LRRTM4: variants seen among roughly 807,000 people sequenced by gnomAD.
The protein encoded by LRRTM4 is leucine-rich repeat transmembrane neuronal protein 4.
LRRTM4 carries 25 observed loss-of-function variants against 47.6 expected under a neutral mutation model. The observed-to-expected ratio is 0.53, with a 90% CI of 0.38 to 0.73. The LOEUF (loss-of-function observed/expected upper bound fraction) is 0.73, where lower values mean the gene tolerates loss of function less well. Ranked by LOEUF, LRRTM4 falls within the 30% of genes least tolerant of loss-of-function variation. LRRTM4 has a pLI of 0.00. For missense variants in LRRTM4, 638 were observed against 713.4 expected, an observed-to-expected ratio of 0.89 and a Z score of 1.20; for synonymous variants, 311 against 269.5, an observed-to-expected ratio of 1.15 and a Z score of -1.51.
In LRRTM4 at chr2:77,212,472, TATAG is replaced by T. The variant is rs1336405733; in HGVS notation, c.1551+305842_1551+305845del. On this transcript the variant is annotated intron_variant, in intron 3 of 3. Coordinates refer to ENST00000409884, the MANE Select transcript of LRRTM4 (RefSeq NM_001134745.3). ...AGTGGAATAATTATATATATATATA[TATAG>T]AGAGAGAGAGAGAGAGAGCGAGAGA... is the stretch of plus-strand genomic sequence containing the variant. 8.2e-3 allele frequency among the ~76,000 whole-genome samples: 1,190 copies of T among 144,416 alleles called. 13 individuals are homozygous for T. Among genetic ancestry groups the T allele is most frequent in the African/African-American group, 0.026 (1,008 of 38,648 alleles). The allele number at this position is 144,416 out of a possible 152,430, so 94.7% of individuals were successfully genotyped here. A position where few individuals can be genotyped will look rare whatever the true frequency, so the allele number is the denominator to read the frequency against.
At chr2:76,802,073 G>T (rs530409315) in intron 3 of LRRTM4, among the ~76,000 whole-genome samples, 1 of 152,060 alleles carries the variant, frequency 6.6e-6, no homozygotes, top group Non-Finnish European at 1.5e-5. Flanking sequence ...AGACAAGGAT[G>T]CCCACTATTG....
chr2:77,323,330 TAATGGGATCTAGCCTTTGC>T (rs1305471876), intron 3 of LRRTM4, among the ~76,000 whole-genome samples: 1 of 152,154 alleles, frequency 6.6e-6, no homozygotes, highest in Non-Finnish European at 1.5e-5. Flanking sequence ...CTTGAGAACG[TAATGGGATCTAGCCTTTGC>T]ATTAAGCTGT....
rs750604219 is a variant in LRRTM4, at chr2:76,942,674, A to ATGTGTGTGTGTGTGTGTGTGTG, written c.1552-193759_1552-193758insCACACACACACACACACACACA. On this transcript the variant is annotated intron_variant, in intron 3 of 3. Coordinates refer to ENST00000409884, the MANE Select transcript of LRRTM4 (RefSeq NM_001134745.3). ...TTGGTCAAGTAACCAACCTCTAGGA[A>ATGTGTGTGTGTGTGTGTGTGTG]TCTGTGTGTGTGTGTGTGTGTGTGT... Among the ~76,000 whole-genome samples, 1,228 of 123,282 alleles carry ATGTGTGTGTGTGTGTGTGTGTG rather than the reference A, an allele frequency of 1.0e-2. 26 individuals carry two copies. The highest frequency in any genetic ancestry group is 0.036 in the African/African-American group (1,122 of 31,282). 80.9% of individuals were successfully genotyped at this position (123,282 alleles called of 152,430 possible).
At chr2:76,831,857 A>G (rs1671361985) in intron 3 of LRRTM4, among the ~76,000 whole-genome samples, 1 of 152,086 alleles carries the variant, frequency 6.6e-6, no homozygotes. Context: ...AGGAAATATA[A>G]TCTATATTTG....
At chr2:77,355,964 G>A (rs1365339621) in intron 3 of LRRTM4, among the ~76,000 whole-genome samples, 1 of 152,140 alleles carries the variant, frequency 6.6e-6, no homozygotes, top group Non-Finnish European at 1.5e-5. Flanking sequence ...ATTATGGCAT[G>A]TGCCTGTAGT....
intron 3 of LRRTM4, among the ~76,000 whole-genome samples, chr2:77,107,062 A>C (rs1671111787): frequency 6.6e-6 from 1 of 152,124 alleles, no homozygotes; most frequent in African/African-American, 2.4e-5. Context: ...GTACTGCATC[A>C]CATCTTGAAA....
chr2:77,376,845 A>G (rs1294977039), intron 3 of LRRTM4, among the ~76,000 whole-genome samples: 1 of 151,842 alleles, frequency 6.6e-6, no homozygotes. Flanking sequence ...CTCTTTGGAA[A>G]CCAATCACTA....
intron 3 of LRRTM4, among the ~76,000 whole-genome samples, chr2:76,952,415 G>A (rs549075461): frequency 2.2e-4 from 34 of 151,978 alleles, no homozygotes; most frequent in Non-Finnish European, 4.3e-4. Flanking sequence ...GAAGGCATAC[G>A]TGTAGCCAAC....
At chr2:76,854,843 A>G (rs961341333) in intron 3 of LRRTM4, among the ~76,000 whole-genome samples, 6 of 150,658 alleles carry the variant, frequency 4.0e-5, no homozygotes, top group South Asian at 2.1e-4. Context: ...CTAAAATTCT[A>G]TAAGGGCGAG....
chr2:77,208,851 A>T (rs747681954), intron 3 of LRRTM4, among the ~76,000 whole-genome samples: 5 of 152,190 alleles, frequency 3.3e-5, no homozygotes, highest in Non-Finnish European at 7.3e-5. Flanking sequence ...TAAAATAATT[A>T]TATCTTGATG....
chr2:77,396,754 T>C (rs1406162138), intron 3 of LRRTM4, among the ~76,000 whole-genome samples: 5 of 151,956 alleles, frequency 3.3e-5, no homozygotes, highest in Non-Finnish European at 5.9e-5. Flanking sequence ...ATAGTTTTTT[T>C]TTCTCAACAA....
chr2:77,322,349 A>G (rs1677820902), intron 3 of LRRTM4, among the ~76,000 whole-genome samples: 1 of 152,136 alleles, frequency 6.6e-6, no homozygotes, highest in Non-Finnish European at 1.5e-5. Context: ...AACATAGTTG[A>G]CATGAAGACT....
chr2:77,470,289 G>A (rs1295070062), intron 3 of LRRTM4, among the ~76,000 whole-genome samples: 1 of 152,144 alleles, frequency 6.6e-6, no homozygotes, highest in Non-Finnish European at 1.5e-5. Flanking sequence ...TATCCTAGTT[G>A]TTGGCATATG....
At chr2:77,029,871 G>C (rs1678589130) in intron 3 of LRRTM4, among the ~76,000 whole-genome samples, 2 of 152,106 alleles carry the variant, frequency 1.3e-5, no homozygotes, top group South Asian at 4.1e-4. Flanking sequence ...CTTACAGTCT[G>C]ACAGGTTTCA....
chr2:76,992,828 GAA>G (rs71376812), intron 3 of LRRTM4, among the ~76,000 whole-genome samples: 1 of 86,034 alleles, frequency 1.2e-5, no homozygotes, highest in South Asian at 3.6e-4. Context: ...AAATCCTGAG[GAA>G]AAAAAAAAAA....
At chr2:77,394,919 C>G (rs549996747) in intron 3 of LRRTM4, among the ~76,000 whole-genome samples, 1 of 151,928 alleles carries the variant, frequency 6.6e-6, no homozygotes, top group East Asian at 1.9e-4. Context: ...GCTTGTGGAA[C>G]AGGGGGTGGA....
chr2:77,281,601 T>TTTGG (rs1676507571), intron 3 of LRRTM4, among the ~76,000 whole-genome samples: 1 of 151,906 alleles, frequency 6.6e-6, no homozygotes, highest in Admixed American at 6.6e-5. Flanking sequence ...ACATTTGTGC[T>TTTGG]TTGGTAATAA....
In LRRTM4 at chr2:76,990,900, T is replaced by C. The variant is rs145086109; in HGVS notation, c.1552-241984A>G. ...GTAAGATTGACCACATGCTTGGCTA[T>C]AAAGCATGTCTCAGTAAATTAAAAA... On this transcript the variant is annotated intron_variant, in intron 3 of 3. Transcript: ENST00000409884. Among the ~76,000 whole-genome samples the C allele has an allele frequency of 2.2e-3, 336 of 151,730 alleles. 1 individual carries two copies. Among genetic ancestry groups the C allele is most frequent in the African/African-American group, 6.5e-3 (270 of 41,462 alleles).
Position 76,748,323 on chromosome 2 carries a change from C to A in LRRTM4, c.*372G>T. On this transcript the variant is annotated 3_prime_UTR_variant, in exon 4 of 4. Transcript: ENST00000409884. The stretch of plus-strand genomic sequence containing the variant: ...TCCCACCCACCCCTGTTTATTTGCT[C>A]CCCTGTGGTTCTCCAGCCCAGGAAC... 2.3e-5 allele frequency: 4 copies of A among 175,562 alleles called. No homozygotes were observed. The allele number at this position is 175,562 out of a possible 1,614,324, so 10.9% of individuals were successfully genotyped here. A position where few individuals can be genotyped will look rare whatever the true frequency, so the allele number is the denominator to read the frequency against.
Sources: allele counts gnomAD v4.1 joint callset (sites outside exome capture counted in the v4.1 genomes callset), GRCh38; gene constraint gnomAD v4.1.1; transcripts MANE v1.5; gene names NCBI Gene and HGNC (gene_info 2026-07-23, HGNC 2026-07-21).